Variants in CORIN observed in about 807,000 individuals in gnomAD.
CORIN encodes the protein atrial natriuretic peptide-converting enzyme.
A neutral mutation model predicts 125.3 loss-of-function variants in CORIN; 117 were observed. The observed-to-expected ratio is 0.93, with a 90% CI of 0.80 to 1.09. CORIN has a LOEUF of 1.09. Among genes scored for constraint, CORIN ranks in the 50% least tolerant of loss-of-function variants. The pLI is 0.00. For synonymous variants in CORIN, 450 were observed against 466.4 expected (o/e 0.96, Z 0.45); for missense variants, 1,253 against 1,306.7 (o/e 0.96, Z 0.63).
intron 1 of CORIN, among the ~76,000 whole-genome samples, chr4:47,816,176 CT>C (rs1732259252): frequency 6.6e-6 from 1 of 152,148 alleles, no homozygotes; most frequent in Non-Finnish European, 1.5e-5. Context: ...AACAATTAAC[CT>C]ACTGAACCTA....
At chr4:47,623,537 C>A (rs760571452) in intron 19 of CORIN, 34 bp downstream of exon 19, 1 of 1,604,132 alleles carries the variant, frequency 6.2e-7, no homozygotes, top group Non-Finnish European at 8.5e-7. Context: ...GTGATCAAAT[C>A]CAGGCAAAGG....
At chr4:47,702,002 T>C (rs1305843142) in intron 5 of CORIN, among the ~76,000 whole-genome samples, 2 of 152,200 alleles carry the variant, frequency 1.3e-5, no homozygotes, top group Admixed American at 6.5e-5. Flanking sequence ...TTATTATCTA[T>C]CTGCCTCTCA....
chr4:47,610,331 T>G (rs547696682), intron 19 of CORIN, among the ~76,000 whole-genome samples: 1 of 152,378 alleles, frequency 6.6e-6, no homozygotes, highest in East Asian at 1.9e-4. Flanking sequence ...ATTGTGGTTT[T>G]GATTTACATT....
At chr4:47,830,168 AAG>A (rs1232320686) in intron 1 of CORIN, among the ~76,000 whole-genome samples, 10 of 152,208 alleles carry the variant, frequency 6.6e-5, no homozygotes, top group Non-Finnish European at 1.3e-4. Flanking sequence ...GAAAAGCCTT[AAG>A]AGAGTGTCAC....
intron 13 of CORIN, among the ~76,000 whole-genome samples, chr4:47,645,521 A>G (rs1723429251): frequency 6.6e-6 from 1 of 152,010 alleles, no homozygotes; most frequent in South Asian, 2.1e-4. Context: ...GAATAATATA[A>G]TTTTGAAAGT....
chr4:47,749,538 A>T (rs1728810671), intron 4 of CORIN, among the ~76,000 whole-genome samples: 4 of 152,170 alleles, frequency 2.6e-5, no homozygotes, highest in African/African-American at 9.7e-5. Context: ...CCCTGCCAAC[A>T]TCTTTAATTC....
chr4:47,713,375 A>G lies in CORIN; in HGVS notation c.800-20292T>C, dbSNP rs115442203. Reference sequence around the variant, plus strand: ...TTCATCCACTCAGCATTTTTAAGGAAGAAAATATCCCATGCAGGGAAACAT... The same window carrying G: ...TTCATCCACTCAGCATTTTTAAGGAGGAAAATATCCCATGCAGGGAAACAT... On this transcript the variant is annotated intron_variant, in intron 5 of 21. Coordinates refer to ENST00000273857, the MANE Select transcript of CORIN (RefSeq NM_006587.4). Among the ~76,000 whole-genome samples the G allele has an allele frequency of 9.4e-3, 1,433 of 152,362 alleles. 8 individuals carry two copies. Among genetic ancestry groups the G allele is most frequent in the Middle Eastern group, 0.014 (4 of 294 alleles).
At chr4:47,602,511 A>G (rs1721486733) in intron 20 of CORIN, among the ~76,000 whole-genome samples, 1 of 152,198 alleles carries the variant, frequency 6.6e-6, no homozygotes, top group African/African-American at 2.4e-5. Context: ...ATAAGACCAA[A>G]TCACAACATA....
chr4:47,601,436 A>C (rs1721444897), intron 20 of CORIN, among the ~76,000 whole-genome samples: 1 of 151,788 alleles, frequency 6.6e-6, no homozygotes, highest in Non-Finnish European at 1.5e-5. Context: ...TCCACCTTCA[A>C]GGCTCAAGAA....
chr4:47,783,255 G>T (rs1730631586), intron 3 of CORIN, among the ~76,000 whole-genome samples: 2 of 151,988 alleles, frequency 1.3e-5, no homozygotes, highest in African/African-American at 4.8e-5. Context: ...CCTAAAAAAA[G>T]TCCTTGCTGA....
intron 12 of CORIN, among the ~76,000 whole-genome samples, chr4:47,656,173 G>A (rs1238514249): frequency 1.6e-5 from 1 of 60,846 alleles, no homozygotes; most frequent in Non-Finnish European, 3.4e-5. Context: ...TTTTTTTTTT[G>A]AGATGGAGTT....
intron 5 of CORIN, among the ~76,000 whole-genome samples, chr4:47,710,538 C>T (rs371008738): frequency 2.0e-4 from 31 of 152,100 alleles, no homozygotes; most frequent in Middle Eastern, 3.4e-3. Context: ...GCCACAGAGA[C>T]GGACTTTGGG....
chr4:47,658,824 T>C (rs1461923918), intron 12 of CORIN, among the ~76,000 whole-genome samples: 1 of 152,250 alleles, frequency 6.6e-6, no homozygotes, highest in Non-Finnish European at 1.5e-5. Flanking sequence ...AAGCTTTTTG[T>C]TTCTTTACCA....
rs540047619 is a variant in CORIN at position 47,735,813 on chromosome 4, C to T, written c.799+8589G>A. Among the ~76,000 whole-genome samples the T allele has an allele frequency of 1.4e-4, 22 of 151,826 alleles. 1 individual carries two copies. The South Asian group carries it at 2.3e-3, about 16-fold the overall frequency. ...TGGGCACCTGTAGTCCCAGCTACTCCGGAGGCTGAGACATTCTCCTGAGAA... is the reference window on the plus strand; with the variant it reads ...TGGGCACCTGTAGTCCCAGCTACTCTGGAGGCTGAGACATTCTCCTGAGAA... On this transcript the variant is annotated intron_variant, in intron 5 of 21. Coordinates refer to ENST00000273857, the MANE Select transcript of CORIN (RefSeq NM_006587.4).
intron 3 of CORIN, among the ~76,000 whole-genome samples, chr4:47,786,488 G>A (rs1201511223): frequency 1.3e-5 from 2 of 152,014 alleles, no homozygotes; most frequent in Non-Finnish European, 2.9e-5. Context: ...TTGCAGTGAG[G>A]TCAGATTGCA....
At chr4:47,626,615 A>G in intron 16 of CORIN, 94 bp from the exon 17 acceptor site, 1 of 827,264 alleles carries the variant, frequency 1.2e-6, no homozygotes. Flanking sequence ...TTCAAAAAGA[A>G]GCACTAAATC....
rs551111473 is a variant in CORIN, at chr4:47,755,353, A to C, written c.617+8026T>G. Among the ~76,000 whole-genome samples, 9 of 152,298 alleles carry C rather than the reference A, an allele frequency of 5.9e-5. No homozygotes were observed. The South Asian group carries it at 1.9e-3, about 32-fold the overall frequency. On this transcript the variant is annotated intron_variant, in intron 4 of 21. Coordinates refer to ENST00000273857, the MANE Select transcript of CORIN (RefSeq NM_006587.4). Reference sequence around the variant, plus strand: ...GGCCCAGAAACATCTAAGAACGGCCATGGTATGCCCTCAAAGTTTCACACC... The same window carrying C: ...GGCCCAGAAACATCTAAGAACGGCCCTGGTATGCCCTCAAAGTTTCACACC...
intron 1 of CORIN, among the ~76,000 whole-genome samples, chr4:47,818,580 T>G (rs1161694528): frequency 3.3e-5 from 5 of 152,134 alleles, no homozygotes; most frequent in Non-Finnish European, 7.4e-5. Context: ...CCTAAAAGAT[T>G]GGACAACTGG....
intron 16 of CORIN, among the ~76,000 whole-genome samples, chr4:47,638,999 T>A (rs950753292): frequency 6.6e-6 from 1 of 152,206 alleles, no homozygotes; most frequent in African/African-American, 2.4e-5. Flanking sequence ...GTGTTTTAAA[T>A]CAACTGCCTC....
Sources: allele counts gnomAD v4.1 joint callset (sites outside exome capture counted in the v4.1 genomes callset), GRCh38; gene constraint gnomAD v4.1.1; transcripts MANE v1.5; gene names NCBI Gene and HGNC (gene_info 2026-07-23, HGNC 2026-07-21).